IL18R1: variants seen among roughly 807,000 people sequenced by gnomAD.
IL18R1 encodes the protein interleukin 18 receptor 1.
A neutral mutation model predicts 48.5 loss-of-function variants in IL18R1; 40 were observed. The observed-to-expected ratio is 0.82, with a 90% CI of 0.64 to 1.07. IL18R1 has a LOEUF of 1.07. Among genes scored for constraint, IL18R1 ranks in the 50% least tolerant of loss-of-function variants. The pLI, the probability that IL18R1 is intolerant of heterozygous loss-of-function variation, is 0.00. For missense variants in IL18R1, 596 were observed against 633.7 expected, an observed-to-expected ratio of 0.94 and a Z score of 0.64; for synonymous variants, 232 against 225.9, an observed-to-expected ratio of 1.03 and a Z score of -0.24.
At chr2:102,379,940 G>C (rs1325500568) in intron 5 of IL18R1, among the ~76,000 whole-genome samples, 3 of 152,182 alleles carry the variant, frequency 2.0e-5, no homozygotes, top group Admixed American at 1.3e-4. Flanking sequence ...ATGTCGTTGA[G>C]TTTAAAGTAC....
chr2:102,383,532 TTATC>T (rs1159072150), intron 6 of IL18R1, among the ~76,000 whole-genome samples: 1 of 152,202 alleles, frequency 6.6e-6, no homozygotes, highest in African/African-American at 2.4e-5. Flanking sequence ...ATATCTCTCT[TTATC>T]TATCATAACA....
Position 102,396,951 on chromosome 2 carries a change from T to C in IL18R1, c.*65T>C. 2 of 938,178 alleles carry C rather than the reference T, an allele frequency of 2.1e-6. No homozygotes were observed. The highest frequency in any genetic ancestry group is 3.2e-6 in the Non-Finnish European group (2 of 616,582). 58.1% of individuals were successfully genotyped at this position (938,178 alleles called of 1,614,324 possible). On this transcript the variant is annotated 3_prime_UTR_variant, in exon 11 of 11. Coordinates refer to ENST00000233957, the MANE Select transcript of IL18R1 (RefSeq NM_003855.5). Reference sequence around the variant, plus strand: ...TCTGGGGACTGAGCATATGAACCTGTTCATAACAAAGGCTGTGACTCGAAA... The same window carrying C: ...TCTGGGGACTGAGCATATGAACCTGCTCATAACAAAGGCTGTGACTCGAAA...
chr2:102,359,916 A>C (rs1216059341), intron 1 of IL18R1, among the ~76,000 whole-genome samples: 2 of 152,220 alleles, frequency 1.3e-5, no homozygotes, highest in Admixed American at 1.3e-4. Context: ...TTTAACTTTC[A>C]CATCAGTTCC....
intron 3 of IL18R1, among the ~76,000 whole-genome samples, chr2:102,370,985 T>G (rs550561929): frequency 5.9e-5 from 9 of 152,292 alleles, no homozygotes; most frequent in African/African-American, 1.7e-4. Flanking sequence ...ATTTGAAACA[T>G]TTTCTCTTTA....
intron 1 of IL18R1, among the ~76,000 whole-genome samples, chr2:102,360,712 A>G (rs1362515693): frequency 6.6e-6 from 1 of 152,240 alleles, no homozygotes; most frequent in African/African-American, 2.4e-5. Flanking sequence ...GAAAAACTTT[A>G]AAAAGAAAGA....
chr2:102,397,057 C>T lies in IL18R1; in HGVS notation c.*171C>T, dbSNP rs1476965985. ...TTGGCGGGAATGAGACTAAAGATTG[C>T]GCTGTGGGCTGTGGTCACGTGCTCC... On this transcript the variant is annotated 3_prime_UTR_variant, in exon 11 of 11. Coordinates refer to ENST00000233957, the MANE Select transcript of IL18R1 (RefSeq NM_003855.5). 3 of 555,420 alleles carry T rather than the reference C, an allele frequency of 5.4e-6. No individual in the cohort carries two copies. The highest frequency in any genetic ancestry group is 2.9e-5 in the East Asian group (1 of 33,974). The allele number at this position is 555,420 out of a possible 1,614,324, so 34.4% of individuals were successfully genotyped here.
chr2:102,363,824 C>T (rs1678729333), intron 2 of IL18R1, among the ~76,000 whole-genome samples: 2 of 152,192 alleles, frequency 1.3e-5, no homozygotes, highest in South Asian at 4.1e-4. Context: ...TATGATTGTC[C>T]AAACTCAAGA....
At chr2:102,388,608 C>T (rs1183281260) in intron 8 of IL18R1, among the ~76,000 whole-genome samples, 1 of 152,128 alleles carries the variant, frequency 6.6e-6, no homozygotes, top group Admixed American at 6.5e-5. Context: ...CTATTCCTGC[C>T]CTAGACGCTT....
At chr2:102,374,130 A>C (rs1261914303) in intron 4 of IL18R1, 36 of 221,642 alleles carry the variant, frequency 1.6e-4, no homozygotes, top group Non-Finnish European at 6.7e-5. Context: ...GGTCCATGGA[A>C]AAGTTGTCAT....
chr2:102,386,453 A>C (rs1680232163), intron 7 of IL18R1, among the ~76,000 whole-genome samples: 1 of 152,254 alleles, frequency 6.6e-6, no homozygotes, highest in African/African-American at 2.4e-5. Flanking sequence ...GGACAAATGT[A>C]ATACGAATCT....
chr2:102,386,095 A>G (rs573111000), intron 7 of IL18R1, among the ~76,000 whole-genome samples: 37 of 152,302 alleles, frequency 2.4e-4, no homozygotes, highest in African/African-American at 8.9e-4. Flanking sequence ...AATGTACTTG[A>G]GGCAGTTGGA....
At chr2:102,368,216 A>G (rs541664615) in intron 3 of IL18R1, 148 bp downstream of exon 3, 13 of 889,488 alleles carry the variant, frequency 1.5e-5, no homozygotes, top group Non-Finnish European at 2.1e-5. Context: ...ATTCTTTGTT[A>G]TGGAACAGAA....
At chr2:102,363,195 A>G (rs991385685) in intron 2 of IL18R1, among the ~76,000 whole-genome samples, 1 of 124,322 alleles carries the variant, frequency 8.0e-6, no homozygotes, top group Non-Finnish European at 1.7e-5. Flanking sequence ...GTGATTGCCT[A>G]GAGTTTTTTT....
chr2:102,373,714 A>G (rs1311856862), intron 4 of IL18R1, among the ~76,000 whole-genome samples: 1 of 152,186 alleles, frequency 6.6e-6, no homozygotes, highest in Non-Finnish European at 1.5e-5. Context: ...ACGCACTCCC[A>G]TCCACACACA....
chr2:102,387,088 C>A, intron 8 of IL18R1, 88 bp downstream of exon 8: 1 of 1,365,276 alleles, frequency 7.3e-7, no homozygotes, highest in Non-Finnish European at 1.0e-6. Context: ...TCATTTTCCA[C>A]ACCAGAACCC....
At chr2:102,392,696 A>C (rs1680617190) in intron 9 of IL18R1, among the ~76,000 whole-genome samples, 1 of 152,200 alleles carries the variant, frequency 6.6e-6, no homozygotes, top group South Asian at 2.1e-4. Flanking sequence ...ACAACAAAAA[A>C]AGGCAAATTT....
At chr2:102,385,575 G>A (rs1395835775) in intron 7 of IL18R1, among the ~76,000 whole-genome samples, 3 of 152,156 alleles carry the variant, frequency 2.0e-5, no homozygotes, top group African/African-American at 7.2e-5. Context: ...AGTGAGTGCT[G>A]AGCCTAAGTT....
chr2:102,387,896 GAC>G (rs947427703), intron 8 of IL18R1, among the ~76,000 whole-genome samples: 66 of 152,132 alleles, frequency 4.3e-4, no homozygotes, highest in African/African-American at 1.5e-3. Context: ...GAGAGACAGA[GAC>G]ACAGAGAGAC....
rs1403520123 is a variant in IL18R1, at chr2:102,381,629, A to T, written c.635A>T (p.Asn212Ile). The change falls in exon 6 of 11, where the codon AAT (asparagine) becomes ATT (isoleucine). Residue 212 changes from asparagine to isoleucine, a missense_variant. By Grantham distance (149) the Asn-to-Ile change is moderately radical. Coordinates refer to ENST00000233957, the MANE Select transcript of IL18R1 (RefSeq NM_003855.5). ...CTTTTGTCACTTCTAGATCGCAGTA[A>T]TATAGTTCCGGTTCTTCTTGGACCA... The part of the protein sequence containing the change: ...FNITIVEDRS[N>I]IVPVLLGPKL... 18 of 1,612,778 alleles carry T rather than the reference A, an allele frequency of 1.1e-5. No individual in the cohort carries two copies. In the Admixed American group the frequency reaches 3.0e-4, roughly 27 times the overall value.
Sources: gnomAD v4.1 joint callset for allele counts (sites outside exome capture counted in the v4.1 genomes callset) on GRCh38, gnomAD v4.1.1 for gene constraint, MANE v1.5 for transcripts, NCBI Gene and HGNC (gene_info 2026-07-23, HGNC 2026-07-21) for gene names.